The following GREB1L variants were observed in gnomAD, a reference collection of about 807,000 sequenced individuals.
The protein encoded by GREB1L is GREB1-like protein.
Under a neutral mutation model 200.8 loss-of-function variants are expected in GREB1L, and 17 were observed. That is an observed-to-expected ratio of 0.08 (90% CI 0.06 to 0.13). The LOEUF (loss-of-function observed/expected upper bound fraction) is 0.13. Among genes scored for constraint, GREB1L ranks in the 10% least tolerant of loss-of-function variants. The pLI is 1.00. For missense variants in GREB1L, 1,657 were observed against 2,367.7 expected, an observed-to-expected ratio of 0.70 and a Z score of 6.23; for synonymous variants, 789 against 893.0, an observed-to-expected ratio of 0.88 and a Z score of 2.08.
At chr18:21,306,414 G>T (rs2038701085) in intron 1 of GREB1L, among the ~76,000 whole-genome samples, 1 of 152,194 alleles carries the variant, frequency 6.6e-6, no homozygotes, top group South Asian at 2.1e-4. Context: ...GCAAGGAAAA[G>T]AGACTAGCAA....
Position 21,412,051 on chromosome 18 carries a change from C to CAAAA in GREB1L, c.832+8080_832+8083dup, listed in dbSNP as rs962603456. Reference sequence around the variant, plus strand: ...TGGGCGACAGAGCGAGACTCCGTCTCAAAAAAAAAAAAAAAAAAAAAAAAA... The same window carrying CAAAA: ...TGGGCGACAGAGCGAGACTCCGTCTCAAAAAAAAAAAAAAAAAAAAAAAAAAAAA... On this transcript the variant is annotated intron_variant, in intron 7 of 32. Coordinates refer to ENST00000424526, the MANE Select transcript of GREB1L (RefSeq NM_001142966.3). 2.3e-4 allele frequency among the ~76,000 whole-genome samples: 7 copies of CAAAA among 30,484 alleles called. 1 individual carries two copies. Among genetic ancestry groups the CAAAA allele is most frequent in the Admixed American group, 6.9e-4 (2 of 2,888 alleles). 20.0% of individuals were successfully genotyped at this position (30,484 alleles called of 152,430 possible). A position where few individuals can be genotyped will look rare whatever the true frequency, so the allele number is the denominator to read the frequency against.
At chr18:21,459,955 C>T (rs2034967926) in intron 15 of GREB1L, among the ~76,000 whole-genome samples, 1 of 152,090 alleles carries the variant, frequency 6.6e-6, no homozygotes, top group Non-Finnish European at 1.5e-5. Flanking sequence ...GGCACATTTA[C>T]CCCCCGCTTC....
In GREB1L at chr18:21,449,731, T is replaced by C. The variant is rs746319881; in HGVS notation, c.1615T>C (p.Leu539=). Residue 539 remains leucine (L), a synonymous_variant, in exon 12 of 33, where the codon TTA becomes CTA. Coordinates refer to ENST00000424526, the MANE Select transcript of GREB1L (RefSeq NM_001142966.3). ...TTTGGCGGAGGGCATTTCAGAGACC[T>C]TAAGGACTCTCAGTGAAATGAGACA... ...NSLAEGISET[L]RTLSEMRHYQ... 7 of 1,551,496 alleles carry C rather than the reference T, an allele frequency of 4.5e-6. No homozygotes were observed. The highest frequency in any genetic ancestry group is 1.4e-5 in the African/African-American group (1 of 73,038).
intron 10 of GREB1L, among the ~76,000 whole-genome samples, chr18:21,443,262 G>T (rs2034009612): frequency 6.6e-6 from 1 of 151,852 alleles, no homozygotes. Context: ...GAGTGCAGTG[G>T]CGCGATCTCG....
intron 2 of GREB1L, among the ~76,000 whole-genome samples, chr18:21,371,873 G>A (rs2039889405): frequency 6.6e-6 from 1 of 150,752 alleles, no homozygotes; most frequent in African/African-American, 2.4e-5. Context: ...ACTTATTACT[G>A]TATGTAAAAT....
intron 1 of GREB1L, among the ~76,000 whole-genome samples, chr18:21,348,276 G>T (rs1055554603): frequency 6.6e-6 from 1 of 151,808 alleles, no homozygotes; most frequent in Non-Finnish European, 1.5e-5. Context: ...TGTTTCTCAT[G>T]GTTTCCTCCT....
At chr18:21,361,579 C>T (rs1360584981) in intron 1 of GREB1L, among the ~76,000 whole-genome samples, 2 of 152,040 alleles carry the variant, frequency 1.3e-5, no homozygotes, top group Admixed American at 1.3e-4. Flanking sequence ...AATGGTACAG[C>T]CCTGGGGTTT....
At chr18:21,476,631 G>A (rs573962182) in intron 16 of GREB1L, among the ~76,000 whole-genome samples, 1 of 151,916 alleles carries the variant, frequency 6.6e-6, no homozygotes, top group South Asian at 2.1e-4. Context: ...GCACAGTGGC[G>A]TGATTTCTGC....
At chr18:21,397,141 T>G (rs1030103130) in intron 5 of GREB1L, among the ~76,000 whole-genome samples, 3 of 152,076 alleles carry the variant, frequency 2.0e-5, no homozygotes, top group African/African-American at 7.2e-5. Context: ...CTTAAAGACT[T>G]TTTATGGTTC....
chr18:21,252,618 A>G (rs898650646), intron 1 of GREB1L, among the ~76,000 whole-genome samples: 1 of 151,248 alleles, frequency 6.6e-6, no homozygotes, highest in Non-Finnish European at 1.5e-5. Flanking sequence ...TTGTAATCCT[A>G]GCACTTTGGG....
chr18:21,305,196 G>A (rs886976836), intron 1 of GREB1L, among the ~76,000 whole-genome samples: 32 of 151,980 alleles, frequency 2.1e-4, no homozygotes, highest in African/African-American at 7.5e-4. Flanking sequence ...GGATGGTCTC[G>A]ATCTCTTGAC....
intron 1 of GREB1L, among the ~76,000 whole-genome samples, chr18:21,363,263 CTGCCCCCACTCCGCCT>C: frequency 2.0e-5 from 2 of 97,684 alleles, no homozygotes; most frequent in African/African-American, 4.2e-5. Flanking sequence ...AAGGCTCCCC[CTGCCCCCACTCCGCCT>C]CCCCCCCGCC....
chr18:21,243,245 A>T (rs1263600316), intron 1 of GREB1L, among the ~76,000 whole-genome samples: 1 of 152,112 alleles, frequency 6.6e-6, no homozygotes, highest in South Asian at 2.1e-4. Context: ...GTGGAGATTC[A>T]GTGCGTGGGG....
intron 1 of GREB1L, among the ~76,000 whole-genome samples, chr18:21,352,976 T>TCA (rs1419787634): frequency 4.6e-5 from 7 of 151,912 alleles, no homozygotes; most frequent in Non-Finnish European, 1.0e-4. Context: ...GGTCAGGAGA[T>TCA]TGAGACCATC....
At chr18:21,327,462 C>A (rs530102605) in intron 1 of GREB1L, among the ~76,000 whole-genome samples, 1 of 152,260 alleles carries the variant, frequency 6.6e-6, no homozygotes, top group African/African-American at 2.4e-5. Flanking sequence ...CATCTCTCAT[C>A]TAGACCATTG....
intron 1 of GREB1L, among the ~76,000 whole-genome samples, chr18:21,338,090 T>G (rs1384553381): frequency 6.6e-6 from 1 of 152,232 alleles, no homozygotes; most frequent in African/African-American, 2.4e-5. Flanking sequence ...AATTTTGATC[T>G]CTCTCTTAAT....
chr18:21,341,830 G>A (rs577037328), intron 1 of GREB1L, among the ~76,000 whole-genome samples: 8 of 152,276 alleles, frequency 5.3e-5, no homozygotes, highest in African/African-American at 1.9e-4. Context: ...TGTATTAGGT[G>A]TAAGGTCTTT....
intron 1 of GREB1L, among the ~76,000 whole-genome samples, chr18:21,329,404 A>C (rs2039073252): frequency 6.6e-6 from 1 of 151,748 alleles, no homozygotes; most frequent in South Asian, 2.1e-4. Context: ...GAAGGGCAAA[A>C]TAATGAAATG....
chr18:21,255,366 C>T (rs562280309), intron 1 of GREB1L, among the ~76,000 whole-genome samples: 23 of 152,054 alleles, frequency 1.5e-4, no homozygotes, highest in Non-Finnish European at 2.9e-4. Flanking sequence ...CTTCAGTAGC[C>T]CTGTGACTAA....
Sources: gnomAD v4.1 joint callset for allele counts (sites outside exome capture counted in the v4.1 genomes callset) on GRCh38, gnomAD v4.1.1 for gene constraint, MANE v1.5 for transcripts, NCBI Gene and HGNC (gene_info 2026-07-23, HGNC 2026-07-21) for gene names.